Variants in EVC observed in about 807,000 individuals in gnomAD.
EVC encodes EvC ciliary complex subunit 1, also known as evC complex member EVC.
Under a neutral mutation model 118.9 loss-of-function variants are expected in EVC, and 116 were observed. The observed-to-expected ratio is 0.98, with a 90% CI of 0.84 to 1.14. The LOEUF (loss-of-function observed/expected upper bound fraction) is 1.14, where lower values mean the gene tolerates loss of function less well. Among genes scored for constraint, EVC ranks in the 50% most tolerant of loss-of-function variants. EVC has a pLI of 0.00. For missense variants in EVC, 1,401 were observed against 1,246.4 expected, an observed-to-expected ratio of 1.12 and a Z score of -1.87; for synonymous variants, 619 against 534.7, an observed-to-expected ratio of 1.16 and a Z score of -2.18.
chr4:5,817,036 A>T (rs1717815067), downstream of EVC, among the ~76,000 whole-genome samples: 1 of 152,198 alleles, frequency 6.6e-6, no homozygotes, highest in South Asian at 2.1e-4. Flanking sequence ...GGGAGAAGGA[A>T]TCAGTGAGGC....
At chr4:5,827,689 CACATGCACACATGACACGCATAG>C in the EVC span, among the ~76,000 whole-genome samples, 1 of 151,708 alleles carries the variant, frequency 6.6e-6, no homozygotes, top group Admixed American at 6.5e-5. Flanking sequence ...CATGCATGTA[CACATGCACACATGACACGCATAG>C]ACATACACAC....
chr4:5,797,543 C>A, intron 14 of EVC: 1 of 500,898 alleles, frequency 2.0e-6, no homozygotes. Context: ...GGTCCTTCCT[C>A]TGTGGGTGTC....
In EVC at chr4:5,798,493, C is replaced by T. The variant is rs1273991677; in HGVS notation, c.2098-93C>T. 7.6e-6 allele frequency: 10 copies of T among 1,311,670 alleles called. No individual in the cohort carries two copies. The Admixed American group carries it at 1.6e-4, about 21-fold the overall frequency. 81.3% of individuals were successfully genotyped at this position (1,311,670 alleles called of 1,614,324 possible). Reference sequence around the variant, plus strand: ...CTCCATCCCTTTTCCAACCCCTGGGCCCTGGATAGGACCAGCCCCACATCC... The same window carrying T: ...CTCCATCCCTTTTCCAACCCCTGGGTCCTGGATAGGACCAGCCCCACATCC... On this transcript the variant is annotated intron_variant, in intron 14 of 20. Transcript: ENST00000264956. This position sits in a 1 kb window ranked among gnomAD's most constrained non-coding sequence, Gnocchi z 4.1.
the EVC span, chr4:5,825,193 G>T: frequency 1.0e-6 from 1 of 985,398 alleles, no homozygotes; most frequent in Non-Finnish European, 1.2e-6. This position sits in a 1 kb window ranked among gnomAD's most constrained non-coding sequence, Gnocchi z 4.4. Context: ...TCATGAGGAA[G>T]AGTGTGAAAG....
chr4:5,753,800 G>A lies in EVC; in HGVS notation c.1331G>A (p.Gly444Asp). The A allele has an allele frequency of 6.2e-7, 1 of 1,614,184 alleles. No individual in the cohort carries two copies. Among genetic ancestry groups the A allele is most frequent in the Non-Finnish European group, 8.5e-7 (1 of 1,180,028 alleles). The change falls in exon 10 of 21, where the codon GGC (glycine) becomes GAC (aspartate). Residue 444 changes from glycine to aspartate, a missense_variant. Physicochemically the swap from Gly to Asp is moderately conservative, Grantham distance 94. Coordinates refer to ENST00000264956, the MANE Select transcript of EVC (RefSeq NM_153717.3). ...ERFSREFVQR[G>D]KDLVTASLAH... ...TCAATCCCAGAGTTTGTCCAGCGAGGCAAAGACCTGGTCACGGCGTCTCTG... is the reference window on the plus strand; with the variant it reads ...TCAATCCCAGAGTTTGTCCAGCGAGACAAAGACCTGGTCACGGCGTCTCTG...
rs570995736 is a variant in EVC at position 5,755,753 on chromosome 4, G to C, written c.1465-511G>C. 6.6e-6 allele frequency among the ~76,000 whole-genome samples: 1 copy of C among 152,262 alleles called. No individual in the cohort carries two copies. Among genetic ancestry groups the C allele is most frequent in the East Asian group, 1.9e-4 (1 of 5,166 alleles). On this transcript the variant is annotated intron_variant, in intron 10 of 20. Transcript: ENST00000264956. The surrounding 1 kb of genome is among the most constrained non-coding windows in gnomAD (Gnocchi z 4.1). Reference sequence around the variant, plus strand: ...CCACCTCGCCCCTCGCTGATGCTCTGTTTAGGGCTGGCTGGGTCTCCCCCT... The same window carrying C: ...CCACCTCGCCCCTCGCTGATGCTCTCTTTAGGGCTGGCTGGGTCTCCCCCT...
At chr4:5,745,645 G>A (rs755872255) in intron 7 of EVC, among the ~76,000 whole-genome samples, 2 of 152,192 alleles carry the variant, frequency 1.3e-5, no homozygotes, top group African/African-American at 4.8e-5. Context: ...CTGCCCTTTG[G>A]AATAGAGTAG....
At chr4:5,773,489 A>C (rs1734283625) in intron 11 of EVC, among the ~76,000 whole-genome samples, 1 of 152,094 alleles carries the variant, frequency 6.6e-6, no homozygotes, top group South Asian at 2.1e-4. Flanking sequence ...CTGTCGCCCA[A>C]AGCAAGTTAC....
At position 5,753,873 on chromosome 4, in the gene EVC, G is replaced by C. The variant is rs764643954; in HGVS notation, c.1404G>C (p.Glu468Asp). The change falls in exon 10 of 21, where the codon GAG becomes GAC. Residue 468 changes from glutamate (E) to aspartate (D), a missense_variant. By Grantham distance (45) the Glu-to-Asp change is conservative (BLOSUM62 2). Coordinates refer to ENST00000264956, the MANE Select transcript of EVC (RefSeq NM_153717.3). ...GTAKLTLAQE[E>D]EQRSFLAEAQ... ...CAAAACTCACGCTGGCCCAAGAGGA[G>C]GAACAGAGAAGCTTCCTGGCTGAGG... 54 of 1,613,904 alleles carry C rather than the reference G, an allele frequency of 3.3e-5. No homozygotes were observed. Among genetic ancestry groups the C allele is most frequent in the Non-Finnish European group, 4.6e-5 (54 of 1,180,056 alleles).
chr4:5,741,408 A>C (rs137856762), intron 5 of EVC, among the ~76,000 whole-genome samples: 2 of 152,280 alleles, frequency 1.3e-5, no homozygotes, highest in African/African-American at 4.8e-5. Flanking sequence ...TTCTTCACAC[A>C]TGGAAATGGG....
intron 12 of EVC, 91 bp downstream of exon 12, chr4:5,783,855 G>A (rs1308696290): frequency 1.7e-6 from 2 of 1,205,204 alleles, no homozygotes; most frequent in East Asian, 5.1e-5. Flanking sequence ...ACACCCACTA[G>A]TGCCTATTGT....
At chr4:5,733,498 T>A in intron 5 of EVC, 63 bp downstream of exon 5, 2 of 1,349,382 alleles carry the variant, frequency 1.5e-6, no homozygotes, top group Non-Finnish European at 2.1e-6. Flanking sequence ...ACAAGGACTC[T>A]GTGTGCAGTG....
In EVC at chr4:5,756,799, G is replaced by A; in HGVS notation, c.1563+437G>A. Among the ~76,000 whole-genome samples the A allele has an allele frequency of 6.6e-6, 1 of 152,140 alleles. No homozygotes were observed. Among genetic ancestry groups the A allele is most frequent in the Admixed American group, 6.5e-5 (1 of 15,280 alleles). On this transcript the variant is annotated intron_variant, in intron 11 of 20. Coordinates refer to ENST00000264956, the MANE Select transcript of EVC (RefSeq NM_153717.3). This position sits in a 1 kb window ranked among gnomAD's most constrained non-coding sequence, Gnocchi z 4.2. ...ACCGTGTGCAGGTCTGGGGTGGGGAGGTGAAGCTGGCCATGCTTGCCCTGC... is the reference window on the plus strand; with the variant it reads ...ACCGTGTGCAGGTCTGGGGTGGGGAAGTGAAGCTGGCCATGCTTGCCCTGC...
At position 5,754,975 on chromosome 4, in the gene EVC, C is replaced by T. The variant is rs1018206111; in HGVS notation, c.1464+1042C>T. On this transcript the variant is annotated intron_variant, in intron 10 of 20. Coordinates refer to ENST00000264956, the MANE Select transcript of EVC (RefSeq NM_153717.3). This position sits in a 1 kb window ranked among gnomAD's most constrained non-coding sequence, Gnocchi z 5.8. ...GAGGCCCAGGGGCTCTCCCTGGGGG[C>T]CAAGCTGGTGGTGGTGGCACCACTG... 6.6e-6 allele frequency among the ~76,000 whole-genome samples: 1 copy of T among 151,830 alleles called. No homozygotes were observed. The highest frequency in any genetic ancestry group is 2.4e-5 in the African/African-American group (1 of 41,318).
At chr4:5,823,845 G>A in the EVC span, among the ~76,000 whole-genome samples, 1 of 152,192 alleles carries the variant, frequency 6.6e-6, no homozygotes, top group Non-Finnish European at 1.5e-5. Context: ...CAATGTAAAT[G>A]GACGAAAACA....
chr4:5,754,268 G>C lies in EVC; in HGVS notation c.1464+335G>C, dbSNP rs966125247. On this transcript the variant is annotated intron_variant, in intron 10 of 20. Transcript: ENST00000264956. The surrounding 1 kb of genome is among the most constrained non-coding windows in gnomAD (Gnocchi z 5.8). ...AGGGAGCAATGTGTGGCCCAGAGGG[G>C]ACAAGCATGTCCCGGAGAGTAAGGC... Among the ~76,000 whole-genome samples, 1 of 152,170 alleles carries C rather than the reference G, an allele frequency of 6.6e-6. No individual in the cohort carries two copies. Among genetic ancestry groups the C allele is most frequent in the Non-Finnish European group, 1.5e-5 (1 of 68,042 alleles).
intron 1 of EVC, among the ~76,000 whole-genome samples, chr4:5,711,768 C>T (rs1312964728): frequency 6.6e-6 from 1 of 152,216 alleles, no homozygotes; most frequent in East Asian, 1.9e-4. Context: ...GTGCCTGTTA[C>T]ATCCCACTCC....
At position 5,789,256 on chromosome 4, in the gene EVC, C is replaced by T. The variant is rs1712302303; in HGVS notation, c.1777-4352C>T. Among the ~76,000 whole-genome samples the T allele has an allele frequency of 6.6e-6, 1 of 152,188 alleles. No homozygotes were observed. Among genetic ancestry groups the T allele is most frequent in the African/African-American group, 2.4e-5 (1 of 41,438 alleles). ...AAGTCAGAGTCCTCGCCACACTCTG[C>T]AAAGCCCACCATGTCAGGCCCTGGC... On this transcript the variant is annotated intron_variant, in intron 12 of 20. Coordinates refer to ENST00000264956, the MANE Select transcript of EVC (RefSeq NM_153717.3). This position sits in a 1 kb window ranked among gnomAD's most constrained non-coding sequence, Gnocchi z 4.3.
the EVC span, among the ~76,000 whole-genome samples, chr4:5,827,738 C>CAG: frequency 6.8e-6 from 1 of 146,054 alleles, no homozygotes; most frequent in African/African-American, 2.7e-5. Context: ...CGCGTGCACA[C>CAG]ACACACACAC....
Sources: gnomAD v4.1 joint callset for allele counts (sites outside exome capture counted in the v4.1 genomes callset) on GRCh38, gnomAD v4.1.1 for gene constraint, Gnocchi (gnomAD v3.1) non-coding constraint, MANE v1.5 for transcripts, NCBI Gene and HGNC (gene_info 2026-07-23, HGNC 2026-07-21) for gene names.